The following CFTR variants were observed in gnomAD, a reference collection of about 807,000 sequenced individuals.
The protein encoded by CFTR is CF transmembrane conductance regulator.
In CFTR, 181 loss-of-function variants were observed where a neutral mutation model predicts 171.6. That is an observed-to-expected ratio of 1.05 (90% CI 0.93 to 1.19). The LOEUF is 1.19. Ranked by LOEUF, CFTR falls within the 50% of genes most tolerant of loss-of-function variation. The probability of loss-of-function intolerance (pLI) is 0.00; values close to 1 mark genes in which losing one functional copy is unlikely to be tolerated. For missense variants in CFTR, 1,968 were observed against 1,734.7 expected, an observed-to-expected ratio of 1.13 and a Z score of -2.39; for synonymous variants, 583 against 608.0, an observed-to-expected ratio of 0.96 and a Z score of 0.60.
intron 7 of CFTR, 139 bp downstream of exon 7, chr7:117,536,812 C>T (rs1798967345): frequency 2.6e-6 from 2 of 755,326 alleles, no homozygotes; most frequent in Non-Finnish European, 2.2e-6. Context: ...TGTCAATATT[C>T]ATGCATTAGT....
At chr7:117,643,224 A>G (rs1336914315) in intron 23 of CFTR, among the ~76,000 whole-genome samples, 4 of 152,132 alleles carry the variant, frequency 2.6e-5, no homozygotes, top group Non-Finnish European at 5.9e-5. Flanking sequence ...AATGGAAACC[A>G]AGAAATGTCT....
chr7:117,577,488 G>A (rs1348825566), intron 11 of CFTR, among the ~76,000 whole-genome samples: 1 of 152,064 alleles, frequency 6.6e-6, no homozygotes, highest in African/African-American at 2.4e-5. Flanking sequence ...AGGAAAAAAA[G>A]GGCTTTCCTG....
At chr7:117,542,202 T>A (rs1460958484) in intron 9 of CFTR, 94 bp downstream of exon 9, 2 of 727,030 alleles carry the variant, frequency 2.8e-6, no homozygotes, top group East Asian at 5.3e-5. Flanking sequence ...AAAATTAGAA[T>A]GATGATATAA....
intron 1 of CFTR, among the ~76,000 whole-genome samples, chr7:117,490,314 C>A (rs894425611): frequency 2.0e-5 from 2 of 99,896 alleles, no homozygotes; most frequent in African/African-American, 1.7e-4. Flanking sequence ...ACCAATGATA[C>A]ACACACACAC....
intron 15 of CFTR, 65 bp downstream of exon 15, chr7:117,595,123 A>G: frequency 1.5e-6 from 2 of 1,317,574 alleles, no homozygotes; most frequent in East Asian, 4.7e-5. Flanking sequence ...TTGGGGATGT[A>G]TACATATATA....
At chr7:117,532,579 G>A (rs1339954340) in intron 4 of CFTR, among the ~76,000 whole-genome samples, 1 of 152,158 alleles carries the variant, frequency 6.6e-6, no homozygotes, top group East Asian at 1.9e-4. Context: ...TGTAATGCGG[G>A]AAGAGACAGG....
chr7:117,563,172 C>T (rs1791544884), intron 11 of CFTR, among the ~76,000 whole-genome samples: 1 of 152,166 alleles, frequency 6.6e-6, no homozygotes, highest in Non-Finnish European at 1.5e-5. Context: ...AAGAAAGTTA[C>T]TTAACCTTGC....
At chr7:117,496,187 C>T (rs1199363012) in intron 1 of CFTR, among the ~76,000 whole-genome samples, 6 of 152,026 alleles carry the variant, frequency 3.9e-5, no homozygotes, top group African/African-American at 7.2e-5. Context: ...CCTGTTGTAG[C>T]GTGTATCAGT....
intron 18 of CFTR, 105 bp downstream of exon 18, chr7:117,606,858 T>C (rs137854872): frequency 1.3e-6 from 1 of 771,372 alleles, no homozygotes; most frequent in Non-Finnish European, 2.4e-6. Flanking sequence ...AGGGTTGAAG[T>C]CCTGTCTATT....
At chr7:117,530,591 A>G (rs1217290775) in intron 3 of CFTR, among the ~76,000 whole-genome samples, 2 of 152,202 alleles carry the variant, frequency 1.3e-5, no homozygotes, top group African/African-American at 4.8e-5. Context: ...GTTAAGTGCT[A>G]TGTAGATGTT....
At chr7:117,584,459 T>C (rs957160764) in intron 11 of CFTR, among the ~76,000 whole-genome samples, 1 of 152,208 alleles carries the variant, frequency 6.6e-6, no homozygotes, top group Non-Finnish European at 1.5e-5. Flanking sequence ...TTTTGTATGC[T>C]TTGTCAAAGA....
intron 11 of CFTR, among the ~76,000 whole-genome samples, chr7:117,582,477 A>G (rs749685200): frequency 2.0e-5 from 3 of 152,152 alleles, no homozygotes; most frequent in Non-Finnish European, 4.4e-5. Flanking sequence ...CCCAGGGTAC[A>G]CGCAACCTGG....
At chr7:117,608,825 C>G (rs568548376) in intron 18 of CFTR, among the ~76,000 whole-genome samples, 2 of 152,148 alleles carry the variant, frequency 1.3e-5, no homozygotes, top group Middle Eastern at 3.4e-3. Context: ...CAAAATAAAG[C>G]ATACCTATAA....
intron 10 of CFTR, among the ~76,000 whole-genome samples, chr7:117,556,341 G>T (rs1344280338): frequency 6.6e-6 from 1 of 151,784 alleles, no homozygotes; most frequent in East Asian, 1.9e-4. Context: ...GGGATTACAG[G>T]CATGAGCCAC....
At chr7:117,540,453 T>A in intron 8 of CFTR, 107 bp downstream of exon 8, 1 of 1,046,846 alleles carries the variant, frequency 9.6e-7, no homozygotes, top group Admixed American at 2.3e-5. Context: ...AAAAGAAATT[T>A]CCTTCACTAG....
intron 20 of CFTR, among the ~76,000 whole-genome samples, 198 bp downstream of exon 20, chr7:117,612,006 G>GATATATATATATATATGTATATAT (rs1442324491): frequency 6.5e-5 from 5 of 76,764 alleles, no homozygotes; most frequent in Non-Finnish European, 1.3e-4. Flanking sequence ...CTTGAAATCG[G>GATATATATATATATATGTATATAT]ATATATATAT....
chr7:117,575,678 C>T (rs1791759551), intron 11 of CFTR, among the ~76,000 whole-genome samples: 2 of 152,266 alleles, frequency 1.3e-5, no homozygotes, highest in East Asian at 3.9e-4. Flanking sequence ...AGTGTTCTAA[C>T]ATCTTCCATC....
At chr7:117,661,983 GAAAAAA>G (rs57319132) in intron 24 of CFTR, among the ~76,000 whole-genome samples, 927 of 87,554 alleles carry the variant, frequency 0.011, 9 homozygotes, top group African/African-American at 0.034. Context: ...TAATTTTACT[GAAAAAA>G]AAAAAAAAAA....
chr7:117,485,291 T>G (rs1798056870), intron 1 of CFTR, among the ~76,000 whole-genome samples: 1 of 152,194 alleles, frequency 6.6e-6, no homozygotes, highest in Admixed American at 6.5e-5. Context: ...CATCTCTGAC[T>G]CAGCAGCAAT....
Sources: allele counts gnomAD v4.1 joint callset (sites outside exome capture counted in the v4.1 genomes callset), GRCh38; gene constraint gnomAD v4.1.1; transcripts MANE v1.5; gene names NCBI Gene and HGNC (gene_info 2026-07-23, HGNC 2026-07-21).